The following BACH2 variants were observed in gnomAD, a reference collection of about 807,000 sequenced individuals.
BACH2 encodes transcription regulator protein BACH2.
In BACH2, 5 loss-of-function variants were observed where a neutral mutation model predicts 61.8. That is an observed-to-expected ratio of 0.08 (90% CI 0.04 to 0.17). The LOEUF (loss-of-function observed/expected upper bound fraction) is 0.17. Ranked by LOEUF, BACH2 falls within the 10% of genes least tolerant of loss-of-function variation. The pLI is 1.00. For synonymous variants in BACH2, 446 were observed against 440.1 expected, an observed-to-expected ratio of 1.01 and a Z score of -0.17; for missense variants, 824 against 1,091.1, an observed-to-expected ratio of 0.76 and a Z score of 3.45.
chr6:90,226,164 C>T (rs866377906), intron 3 of BACH2, among the ~76,000 whole-genome samples: 3 of 152,152 alleles, frequency 2.0e-5, no homozygotes, highest in African/African-American at 4.8e-5. Context: ...GGAGGACGGA[C>T]GGTGGTGGCC....
chr6:90,217,908 T>C (rs1265812716), intron 3 of BACH2: 5 of 152,156 alleles, frequency 3.3e-5, no homozygotes, highest in African/African-American at 4.8e-5. Flanking sequence ...AATACCTTAC[T>C]TGGCATTTTG....
chr6:90,135,253 C>T (rs899875425), intron 4 of BACH2, among the ~76,000 whole-genome samples: 3 of 152,186 alleles, frequency 2.0e-5, no homozygotes. Flanking sequence ...TCTCTAGCTT[C>T]ATCATAACAT....
chr6:90,044,767 T>C (rs1361998504), intron 5 of BACH2, among the ~76,000 whole-genome samples: 1 of 152,202 alleles, frequency 6.6e-6, no homozygotes, highest in African/African-American at 2.4e-5. Context: ...GAGTTAACGA[T>C]GGCACCAAGG....
intron 5 of BACH2, among the ~76,000 whole-genome samples, chr6:90,086,530 C>A (rs1369434876): frequency 2.6e-5 from 4 of 152,138 alleles, no homozygotes; most frequent in Non-Finnish European, 5.9e-5. Context: ...TCGCCCTCTG[C>A]CCCACAAGAT....
chr6:90,125,184 A>C (rs1310580237), intron 4 of BACH2, among the ~76,000 whole-genome samples: 1 of 152,216 alleles, frequency 6.6e-6, no homozygotes, highest in African/African-American at 2.4e-5. Context: ...GAGAGAAGAA[A>C]ATGTGCCATA....
In BACH2 at chr6:90,021,626, G is replaced by C. The variant is rs370343582; in HGVS notation, c.-12-12770C>G. ...AAGTTATTTACTGTAAAACTGTAAG[G>C]GTTAGTTCTTATAAAAGAAAGTTTT... On this transcript the variant is annotated intron_variant, in intron 5 of 8. Coordinates refer to ENST00000257749, the MANE Select transcript of BACH2 (RefSeq NM_021813.4). Among the ~76,000 whole-genome samples, 47 of 152,220 alleles carry C rather than the reference G, an allele frequency of 3.1e-4. No homozygotes were observed. The South Asian group carries it at 9.1e-3, about 30-fold the overall frequency.
intron 2 of BACH2, among the ~76,000 whole-genome samples, chr6:90,254,272 C>T (rs1244743834): frequency 6.6e-6 from 1 of 151,596 alleles, no homozygotes; most frequent in African/African-American, 2.4e-5. Context: ...ATTAAGTATA[C>T]AGCATAATTT....
chr6:90,041,092 C>T (rs757738815), intron 5 of BACH2, among the ~76,000 whole-genome samples: 2 of 152,120 alleles, frequency 1.3e-5, no homozygotes, highest in Non-Finnish European at 2.9e-5. Context: ...AGGCTAAGTA[C>T]GTTCAGAACA....
intron 6 of BACH2, among the ~76,000 whole-genome samples, chr6:89,954,345 CATA>C (rs975297812): frequency 1.8e-4 from 28 of 151,392 alleles, no homozygotes; most frequent in African/African-American, 6.8e-4. Flanking sequence ...GGTACATGTG[CATA>C]ATGTGCAGGT....
intron 2 of BACH2, among the ~76,000 whole-genome samples, chr6:90,265,187 C>T (rs936883269): frequency 6.6e-6 from 1 of 152,190 alleles, no homozygotes; most frequent in Non-Finnish European, 1.5e-5. Context: ...TTATGGGGAT[C>T]CACTTCACCC....
rs117693919 is a variant in BACH2 at position 90,004,258 on chromosome 6, C to T, written c.243+4344G>A. 7.7e-4 allele frequency among the ~76,000 whole-genome samples: 117 copies of T among 152,230 alleles called. No homozygotes were observed. In the Middle Eastern group the frequency reaches 0.017, roughly 22 times the overall value. ...AATCCTTCTGGGTCAGCTTTCTTTC[C>T]TGTATAGCACTGAAAAGTGAGATTT... On this transcript the variant is annotated intron_variant, in intron 6 of 8. Transcript: ENST00000257749.
chr6:90,178,824 T>C (rs1159467101), intron 4 of BACH2, among the ~76,000 whole-genome samples: 14 of 152,208 alleles, frequency 9.2e-5, no homozygotes. Flanking sequence ...ATGCAAAGTA[T>C]TTAAAAAATA....
At chr6:90,286,833 T>A (rs773219635) in intron 1 of BACH2, among the ~76,000 whole-genome samples, 1 of 151,268 alleles carries the variant, frequency 6.6e-6, no homozygotes, top group African/African-American at 2.4e-5. Flanking sequence ...AAAAAAAAAA[T>A]TGAGACTTGG....
At chr6:90,238,690 C>T (rs1011027205) in intron 3 of BACH2, among the ~76,000 whole-genome samples, 2 of 152,216 alleles carry the variant, frequency 1.3e-5, no homozygotes, top group African/African-American at 2.4e-5. Flanking sequence ...TTTCCAACCA[C>T]AGCTGCTAAT....
At chr6:90,143,720 C>T (rs1169317241) in intron 4 of BACH2, among the ~76,000 whole-genome samples, 1 of 152,114 alleles carries the variant, frequency 6.6e-6, no homozygotes, top group African/African-American at 2.4e-5. Flanking sequence ...CATGAAACAG[C>T]TGAAACGTCA....
intron 4 of BACH2, among the ~76,000 whole-genome samples, chr6:90,106,719 G>A (rs528502410): frequency 5.3e-5 from 8 of 152,310 alleles, no homozygotes; most frequent in South Asian, 2.1e-4. Flanking sequence ...AGTGGGTGGC[G>A]CTGATTAAAT....
chr6:90,059,865 T>C (rs774251253), intron 5 of BACH2, among the ~76,000 whole-genome samples: 1 of 149,968 alleles, frequency 6.7e-6, no homozygotes, highest in Admixed American at 6.7e-5. Context: ...CTCAGCAAAC[T>C]ATCACAAGGA....
intron 3 of BACH2, among the ~76,000 whole-genome samples, chr6:90,221,739 C>T (rs1178501296): frequency 3.9e-5 from 6 of 151,954 alleles, no homozygotes; most frequent in Non-Finnish European, 7.4e-5. Flanking sequence ...GGATTTTTGA[C>T]ACCTAAAAAA....
intron 3 of BACH2, among the ~76,000 whole-genome samples, chr6:90,230,635 A>G (rs528327899): frequency 2.6e-5 from 4 of 152,166 alleles, no homozygotes; most frequent in Non-Finnish European, 5.9e-5. Context: ...TTTAATTATT[A>G]AGAGGTCCCA....
Sources: allele counts gnomAD v4.1 joint callset (sites outside exome capture counted in the v4.1 genomes callset), GRCh38; gene constraint gnomAD v4.1.1; transcripts MANE v1.5; gene names NCBI Gene and HGNC (gene_info 2026-07-23, HGNC 2026-07-21).